Variants in CCDC170 observed in about 807,000 individuals in gnomAD.
CCDC170 encodes the protein coiled-coil domain-containing protein 170.
In CCDC170, 69 loss-of-function variants were observed where a neutral mutation model predicts 72.6. The ratio of observed to expected loss-of-function variants is 0.95; its 90% CI spans 0.78 to 1.16. The LOEUF (loss-of-function observed/expected upper bound fraction) is 1.16. Among genes scored for constraint, CCDC170 ranks in the 50% most tolerant of loss-of-function variants. The pLI is 0.00. For synonymous variants in CCDC170, 300 were observed against 303.9 expected (o/e 0.99, Z 0.13); for missense variants, 852 against 832.5 (o/e 1.02, Z -0.29).
Position 151,615,885 on chromosome 6 carries a change from A to C in CCDC170, c.1947+206A>C, listed in dbSNP as rs2115149341. On this transcript the variant is annotated intron_variant, in intron 10 of 10. Transcript: ENST00000239374. ...TGTGCTCCCGAAGCGAGAACTAGTC[A>C]CATATTTATTCAAAAGCAATTTACA... The C allele has an allele frequency of 1.2e-5, 6 of 519,782 alleles. No individual in the cohort carries two copies. In the East Asian group the frequency reaches 1.6e-4, roughly 14 times the overall value. The allele number at this position is 519,782 out of a possible 1,614,324, so 32.2% of individuals were successfully genotyped here.
chr6:151,514,029 A>C (rs1782191401), intron 1 of CCDC170, among the ~76,000 whole-genome samples: 1 of 151,994 alleles, frequency 6.6e-6, no homozygotes, highest in Non-Finnish European at 1.5e-5. Context: ...ACAATCACAG[A>C]AATATTAACC....
chr6:151,613,074 G>A lies in CCDC170; in HGVS notation c.1711-2369G>A, dbSNP rs117096021. 1.8e-3 allele frequency among the ~76,000 whole-genome samples: 278 copies of A among 152,214 alleles called. 1 individual carries two copies. The highest frequency in any genetic ancestry group is 3.2e-3 in the Non-Finnish European group (218 of 68,004). ...CTTGTAAATGCACTTTCAAATAAGA[G>A]TTTTATTAAGATACAGTTGATATAC... On this transcript the variant is annotated intron_variant, in intron 9 of 10. Coordinates refer to ENST00000239374, the MANE Select transcript of CCDC170 (RefSeq NM_025059.4).
chr6:151,615,571 T>C lies in CCDC170; in HGVS notation c.1839T>C (p.His613=), dbSNP rs1431718475. 4 of 1,613,932 alleles carry C rather than the reference T, an allele frequency of 2.5e-6. No homozygotes were observed. Among genetic ancestry groups the C allele is most frequent in the Admixed American group, 1.7e-5 (1 of 60,012 alleles). ...AGTCAGAACTGGATACCACAGAACATGAGGCTAAGGAGAATAAAGAAAGGG... is the reference window on the plus strand; with the variant it reads ...AGTCAGAACTGGATACCACAGAACACGAGGCTAAGGAGAATAAAGAAAGGG... ...SVKSELDTTE[H]EAKENKERAR... is the part of the protein sequence containing the mutation. Residue 613 remains histidine (H), a synonymous_variant, in exon 10 of 11, where the codon CAT becomes CAC. Coordinates refer to ENST00000239374, the MANE Select transcript of CCDC170 (RefSeq NM_025059.4).
intron 5 of CCDC170, among the ~76,000 whole-genome samples, chr6:151,565,375 G>A (rs1776118641): frequency 6.6e-6 from 1 of 152,188 alleles, no homozygotes; most frequent in Non-Finnish European, 1.5e-5. Flanking sequence ...CCTGTGAGGG[G>A]CTCTCTGGTG....
At position 151,538,148 on chromosome 6, in the gene CCDC170, T is replaced by G. The variant is rs766496076; in HGVS notation, c.290T>G (p.Leu97Arg). The G allele has an allele frequency of 1.3e-5, 21 of 1,613,868 alleles. No individual in the cohort carries two copies. In the South Asian group the frequency reaches 2.2e-4, roughly 17 times the overall value. ...GAAAACAATGCCAGAAAATCATCTC[T>G]CCTTACCTCTTTGAGAGACAGAGTT... Reference protein sequence around the residue: ...YKENNARKSSLLTSLRDRVQE... With the variant: ...YKENNARKSSRLTSLRDRVQE... The change falls in exon 3 of 11, where the codon CTC (leucine) becomes CGC (arginine). Residue 97 changes from leucine (L) to arginine (R), a missense_variant. Transcript: ENST00000239374.
At chr6:151,521,007 G>A (rs903674965) in intron 1 of CCDC170, among the ~76,000 whole-genome samples, 52 of 152,150 alleles carry the variant, frequency 3.4e-4, no homozygotes. Context: ...CTCTGTCTAG[G>A]CAGCAGGCAA....
At chr6:151,554,500 G>A (rs1171347596) in intron 5 of CCDC170, among the ~76,000 whole-genome samples, 1 of 152,072 alleles carries the variant, frequency 6.6e-6, no homozygotes, top group South Asian at 2.1e-4. Context: ...CAAGGCAAGC[G>A]GATAACTTGA....
intron 1 of CCDC170, among the ~76,000 whole-genome samples, chr6:151,520,936 C>T (rs938989764): frequency 1.1e-4 from 17 of 152,216 alleles, no homozygotes; most frequent in Non-Finnish European, 1.9e-4. Context: ...GTCTCCTGCA[C>T]AACCAGCTCT....
chr6:151,549,709 G>A (rs1229868063), intron 5 of CCDC170, among the ~76,000 whole-genome samples: 2 of 152,168 alleles, frequency 1.3e-5, no homozygotes, highest in Non-Finnish European at 2.9e-5. Context: ...TTACAGGCAT[G>A]AGCCATTGAG....
intron 1 of CCDC170, among the ~76,000 whole-genome samples, chr6:151,522,849 C>T (rs147927097): frequency 3.9e-5 from 6 of 152,294 alleles, no homozygotes; most frequent in Middle Eastern, 3.4e-3. Context: ...CTAAGGTGTG[C>T]GCATTTCTCT....
chr6:151,526,519 CTTTT>C (rs577450833), intron 1 of CCDC170, among the ~76,000 whole-genome samples: 1 of 131,654 alleles, frequency 7.6e-6, no homozygotes, highest in Non-Finnish European at 1.6e-5. Context: ...CCCGCCTGGC[CTTTT>C]TTTTTTTTTT....
intron 9 of CCDC170, among the ~76,000 whole-genome samples, chr6:151,608,463 G>A (rs538772009): frequency 6.6e-6 from 1 of 152,306 alleles, no homozygotes; most frequent in East Asian, 1.9e-4. Context: ...CTTTTGTAGG[G>A]AAAGACTTTT....
chr6:151,599,588 C>T (rs1317226025), intron 9 of CCDC170, among the ~76,000 whole-genome samples: 2 of 152,100 alleles, frequency 1.3e-5, no homozygotes, highest in African/African-American at 4.8e-5. Context: ...GATGTTTGGA[C>T]TTATCCTCTG....
intron 1 of CCDC170, among the ~76,000 whole-genome samples, chr6:151,497,821 CA>C (rs372715337): frequency 1.6e-4 from 25 of 151,662 alleles, no homozygotes; most frequent in Admixed American, 4.6e-4. Flanking sequence ...ACTAAAAATA[CA>C]AAAAGTAGCC....
chr6:151,525,153 C>T (rs1329215784), intron 1 of CCDC170, among the ~76,000 whole-genome samples: 1 of 152,114 alleles, frequency 6.6e-6, no homozygotes, highest in Non-Finnish European at 1.5e-5. Flanking sequence ...AGGATAGTCT[C>T]AATCTCCTGA....
intron 1 of CCDC170, among the ~76,000 whole-genome samples, chr6:151,533,037 C>G (rs1378025378): frequency 1.3e-5 from 2 of 150,372 alleles, no homozygotes; most frequent in African/African-American, 4.9e-5. Context: ...GCTTCAATAC[C>G]TCTTGACTAT....
rs139242478 is a variant in CCDC170, at chr6:151,521,844, G to A, written c.58-14474G>A. On this transcript the variant is annotated intron_variant, in intron 1 of 10. Coordinates refer to ENST00000239374, the MANE Select transcript of CCDC170 (RefSeq NM_025059.4). The stretch of plus-strand genomic sequence containing the variant: ...TAAAAAAATACAAAAAAATTAGCTG[G>A]GCGTGGTGGCAGGCCCCTGTAGTCC... Among the ~76,000 whole-genome samples the A allele has an allele frequency of 2.6e-5, 4 of 152,182 alleles. No individual in the cohort carries two copies. In the South Asian group the frequency reaches 6.2e-4, roughly 24 times the overall value.
intron 1 of CCDC170, among the ~76,000 whole-genome samples, chr6:151,517,170 TAAAA>T (rs1330694185): frequency 6.6e-6 from 1 of 152,038 alleles, no homozygotes; most frequent in Non-Finnish European, 1.5e-5. Context: ...CTGTCTCTAC[TAAAA>T]ATACAAAATT....
chr6:151,526,416 T>C (rs1782411569), intron 1 of CCDC170, among the ~76,000 whole-genome samples: 1 of 151,932 alleles, frequency 6.6e-6, no homozygotes, highest in East Asian at 1.9e-4. Flanking sequence ...GAGATGGGGT[T>C]TCACCATGTT....
Sources: gnomAD v4.1 joint callset for allele counts (sites outside exome capture counted in the v4.1 genomes callset) on GRCh38, gnomAD v4.1.1 for gene constraint, MANE v1.5 for transcripts, NCBI Gene and HGNC (gene_info 2026-07-23, HGNC 2026-07-21) for gene names.